Variants in CDH12 observed in about 807,000 individuals in gnomAD.
CDH12 encodes the protein cadherin-12.
A neutral mutation model predicts 74.1 loss-of-function variants in CDH12; 41 were observed. That is an observed-to-expected ratio of 0.55 (90% CI 0.43 to 0.72). CDH12 has a LOEUF of 0.72. Ranked by LOEUF, CDH12 falls within the 30% of genes least tolerant of loss-of-function variation. The pLI, the probability that CDH12 is intolerant of heterozygous loss-of-function variation, is 0.00. For synonymous variants in CDH12, 399 were observed against 355.0 expected (o/e 1.12, Z -1.39); for missense variants, 945 against 977.2 (o/e 0.97, Z 0.44).
At chr5:22,788,559 A>T (rs1246971676) in intron 1 of CDH12, among the ~76,000 whole-genome samples, 1 of 148,416 alleles carries the variant, frequency 6.7e-6, no homozygotes, top group African/African-American at 2.4e-5. Context: ...GTGGCATTTC[A>T]AGTACTCTTG....
intron 7 of CDH12, among the ~76,000 whole-genome samples, chr5:21,848,702 A>G (rs1451009345): frequency 1.3e-5 from 2 of 151,874 alleles, no homozygotes; most frequent in Non-Finnish European, 2.9e-5. Context: ...TAGGGGCCAT[A>G]TTGTCCAACT....
chr5:22,169,278 A>T (rs565114396), intron 4 of CDH12, among the ~76,000 whole-genome samples: 332 of 152,048 alleles, frequency 2.2e-3, no homozygotes, highest in Middle Eastern at 0.01. Context: ...TTATAAGTTG[A>T]ACTCATTTCT....
intron 5 of CDH12, among the ~76,000 whole-genome samples, chr5:22,041,989 C>T (rs1174862646): frequency 1.3e-5 from 2 of 152,020 alleles, no homozygotes; most frequent in African/African-American, 2.4e-5. Context: ...AACTAGACAT[C>T]GATGACAGGA....
chr5:22,455,338 A>T (rs1184240328), intron 2 of CDH12, among the ~76,000 whole-genome samples: 1 of 152,208 alleles, frequency 6.6e-6, no homozygotes. Context: ...CAATAGATAA[A>T]TTTTGAAATG....
At chr5:22,848,791 C>T (rs780126926) in intron 1 of CDH12, among the ~76,000 whole-genome samples, 2 of 152,162 alleles carry the variant, frequency 1.3e-5, no homozygotes, top group African/African-American at 2.4e-5. Flanking sequence ...CTTGCTGTCA[C>T]TGAGAATACT....
intron 2 of CDH12, among the ~76,000 whole-genome samples, chr5:22,451,673 T>C (rs950772499): frequency 1.3e-5 from 2 of 151,982 alleles, no homozygotes; most frequent in African/African-American, 2.4e-5. Flanking sequence ...ATGTCTACTT[T>C]CAACATTTCC....
chr5:22,487,036 C>A (rs1423325402), intron 2 of CDH12, among the ~76,000 whole-genome samples: 1 of 45,798 alleles, frequency 2.2e-5, no homozygotes, highest in African/African-American at 9.3e-5. Context: ...TGCATATATA[C>A]ATACGGCTTT....
rs144186029 is a variant in CDH12 at position 21,841,931 on chromosome 5, C to T, written c.814+230G>A. On this transcript the variant is annotated intron_variant, in intron 8 of 14. Transcript: ENST00000382254. The stretch of plus-strand genomic sequence containing the variant: ...CTGGATGACGAGTTAGTGGGTGCAG[C>T]GCACCAGCATGGCACATGTATACAT... 6.9e-3 allele frequency among the ~76,000 whole-genome samples: 1,045 copies of T among 150,610 alleles called. 14 individuals are homozygous for T. Among genetic ancestry groups the T allele is most frequent in the African/African-American group, 0.025 (1,005 of 40,872 alleles).
At chr5:22,764,530 T>C (rs1022674599) in intron 1 of CDH12, among the ~76,000 whole-genome samples, 2 of 152,036 alleles carry the variant, frequency 1.3e-5, no homozygotes, top group Non-Finnish European at 2.9e-5. Flanking sequence ...AGGGCAAATA[T>C]ATAATGAAGA....
At chr5:22,318,169 A>G (rs1738711450) in intron 3 of CDH12, among the ~76,000 whole-genome samples, 1 of 152,210 alleles carries the variant, frequency 6.6e-6, no homozygotes, top group Non-Finnish European at 1.5e-5. Context: ...CACTTTAGAA[A>G]GCGGTCCTCA....
chr5:22,313,334 A>G (rs919532212), intron 3 of CDH12, among the ~76,000 whole-genome samples: 6 of 152,222 alleles, frequency 3.9e-5, no homozygotes, highest in African/African-American at 1.4e-4. Flanking sequence ...AATGAGGAAA[A>G]AAAAGGCATA....
chr5:22,480,741 T>A (rs1580692862), intron 2 of CDH12, among the ~76,000 whole-genome samples: 1 of 152,054 alleles, frequency 6.6e-6, no homozygotes, highest in Non-Finnish European at 1.5e-5. Flanking sequence ...CTGCCATAGT[T>A]TTTTCCATTG....
Position 22,287,499 on chromosome 5 carries a change from C to T in CDH12, c.-332-74856G>A, listed in dbSNP as rs748699083. 3.0e-3 allele frequency among the ~76,000 whole-genome samples: 461 copies of T among 151,458 alleles called. 4 individuals are homozygous for T. Among genetic ancestry groups the T allele is most frequent in the East Asian group, 7.4e-3 (38 of 5,134 alleles). On this transcript the variant is annotated intron_variant, in intron 3 of 14. Coordinates refer to ENST00000382254, the MANE Select transcript of CDH12 (RefSeq NM_004061.5). ...CAGCACTTTGGGAGGCCGAGGCGGG[C>T]GGATCACAAGGTCAGGAGATCGAGA...
chr5:21,864,950 C>T (rs148114866), intron 6 of CDH12, among the ~76,000 whole-genome samples: 9 of 152,220 alleles, frequency 5.9e-5, no homozygotes, highest in African/African-American at 2.2e-4. Flanking sequence ...TAAAGGTAGT[C>T]CTTGTCATAC....
At chr5:21,860,130 T>C (rs1303223211) in intron 6 of CDH12, among the ~76,000 whole-genome samples, 1 of 152,034 alleles carries the variant, frequency 6.6e-6, no homozygotes, top group Admixed American at 6.6e-5. Context: ...GTTGCAGAAA[T>C]GAGTACTGTA....
intron 1 of CDH12, among the ~76,000 whole-genome samples, chr5:22,550,855 T>G (rs1001879755): frequency 6.6e-6 from 1 of 152,240 alleles, no homozygotes; most frequent in African/African-American, 2.4e-5. Context: ...CTGCTTCCAC[T>G]TCTGCCTCGT....
intron 1 of CDH12, among the ~76,000 whole-genome samples, chr5:22,581,121 C>CAAATATGAATCCCCAAGACAATGGGG (rs1397203567): frequency 2.0e-5 from 3 of 152,164 alleles, no homozygotes; most frequent in African/African-American, 7.2e-5. Flanking sequence ...CACAAGGAGT[C>CAAATATGAATCCCCAAGACAATGGGG]AAATATGAAT....
At chr5:22,803,556 T>A (rs1748639580) in intron 1 of CDH12, among the ~76,000 whole-genome samples, 1 of 152,184 alleles carries the variant, frequency 6.6e-6, no homozygotes, top group Non-Finnish European at 1.5e-5. Context: ...TTAAGCCTCC[T>A]CCCTCCCATA....
At chr5:22,222,583 T>C (rs1343506958) in intron 3 of CDH12, among the ~76,000 whole-genome samples, 1 of 151,900 alleles carries the variant, frequency 6.6e-6, no homozygotes, top group Non-Finnish European at 1.5e-5. Context: ...TTATATATTC[T>C]AAACTCTTAT....
Sources: allele counts gnomAD v4.1 joint callset (sites outside exome capture counted in the v4.1 genomes callset), GRCh38; gene constraint gnomAD v4.1.1; transcripts MANE v1.5; gene names NCBI Gene and HGNC (gene_info 2026-07-23, HGNC 2026-07-21).